The following C4orf33 variants were observed in gnomAD, a reference collection of about 807,000 sequenced individuals.
The protein encoded by C4orf33 is UPF0462 protein C4orf33.
A neutral mutation model predicts 24.3 loss-of-function variants in C4orf33; 20 were observed. The observed-to-expected ratio is 0.82, with a 90% CI of 0.58 to 1.19. The LOEUF (loss-of-function observed/expected upper bound fraction) is 1.19, where lower values mean the gene tolerates loss of function less well. Ranked by LOEUF, C4orf33 falls within the 50% of genes most tolerant of loss-of-function variation. The probability of loss-of-function intolerance (pLI) is 0.00; values close to 1 mark genes in which losing one functional copy is unlikely to be tolerated. For missense variants in C4orf33, 207 were observed against 225.9 expected (o/e 0.92, Z 0.54); for synonymous variants, 67 against 76.4 (o/e 0.88, Z 0.64).
intron 1 of C4orf33, among the ~76,000 whole-genome samples, chr4:129,101,245 T>C (rs754246036): frequency 6.6e-6 from 1 of 152,222 alleles, no homozygotes; most frequent in African/African-American, 2.4e-5. Flanking sequence ...ACACAGAGCT[T>C]GTACATTTGG....
chr4:129,111,582 G>C (rs1753691303), intron 5 of C4orf33, 104 bp from the exon 6 acceptor site: 2 of 630,280 alleles, frequency 3.2e-6, no homozygotes, highest in Non-Finnish European at 5.6e-6. Flanking sequence ...GCTTAAAATA[G>C]AATGTTGTAT....
rs78452186 is a variant in C4orf33 at position 129,103,821 on chromosome 4, T to C, written c.181+1030T>C. ...TGCCTCTAATGCATAGTTCAAGATC[T>C]AATTCATGTCCCATTTCTTCAAAGA... is the stretch of plus-strand genomic sequence containing the variant. On this transcript the variant is annotated intron_variant, in intron 2 of 5. Transcript: ENST00000425929. Among the ~76,000 whole-genome samples, 423 of 152,346 alleles carry C rather than the reference T, an allele frequency of 2.8e-3. 10 individuals are homozygous for C. The East Asian group carries it at 0.068, about 24-fold the overall frequency.
chr4:129,115,819 TATATATATATAAA>T lies in C4orf33; in HGVS notation c.*4037_*4049del, dbSNP rs1753767099. On this transcript the variant is annotated 3_prime_UTR_variant, in exon 6 of 6. Coordinates refer to ENST00000425929, the MANE Select transcript of C4orf33 (RefSeq NM_001099783.2). The stretch of plus-strand genomic sequence containing the variant: ...CTAACTAAATATATATATATATATA[TATATATATATAAA>T]ATATATATGTTTATATATAACATAT... 1.3e-4 allele frequency: 13 copies of T among 96,378 alleles called. 1 individual carries two copies. In the South Asian group the frequency reaches 3.5e-3, roughly 26 times the overall value. 6.0% of individuals were successfully genotyped at this position (96,378 alleles called of 1,614,324 possible).
At chr4:129,102,576 G>C in intron 1 of C4orf33, 26 bp from the exon 2 acceptor site, 1 of 1,490,832 alleles carries the variant, frequency 6.7e-7, no homozygotes, top group Non-Finnish European at 9.2e-7. Context: ...TTGTTAAAGA[G>C]TTTGTTTTAA....
In C4orf33 at chr4:129,102,665, G is replaced by GT. The variant is rs751045432; in HGVS notation, c.56dup (p.Phe20IlefsTer8). The GT allele has an allele frequency of 2.1e-5, 34 of 1,613,912 alleles. No homozygotes were observed. Among genetic ancestry groups the GT allele is most frequent in the Non-Finnish European group, 2.9e-5 (34 of 1,179,956 alleles). On this transcript the variant is annotated frameshift_variant, in exon 2 of 6. Transcript: ENST00000425929. LOFTEE classifies it high-confidence loss of function. ...TGGTTTTCCAGTGAAGCATGAGCCC[G>GT]TATTTATCAGGCTGAATCCAGGTGA...
intron 1 of C4orf33, among the ~76,000 whole-genome samples, chr4:129,101,787 T>C (rs1249453673): frequency 3.3e-5 from 5 of 152,192 alleles, no homozygotes; most frequent in Non-Finnish European, 7.4e-5. Flanking sequence ...CAAAAACTGC[T>C]TTTTTGTAGG....
chr4:129,094,987 A>C (rs190943560), upstream of C4orf33, among the ~76,000 whole-genome samples: 1 of 152,316 alleles, frequency 6.6e-6, no homozygotes, highest in Non-Finnish European at 1.5e-5. Flanking sequence ...AACTGGATGG[A>C]AGCAAATACC....
At position 129,114,908 on chromosome 4, in the gene C4orf33, G is replaced by A. The variant is rs1753749896; in HGVS notation, c.*3117G>A. ...TCATCCTTTGGTGTTTCAATGTCAAGTGGTAATCTTAAATGGGCAACTGTA... is the reference window on the plus strand; with the variant it reads ...TCATCCTTTGGTGTTTCAATGTCAAATGGTAATCTTAAATGGGCAACTGTA... On this transcript the variant is annotated 3_prime_UTR_variant, in exon 6 of 6. Transcript: ENST00000425929. 2 of 152,206 alleles carry A rather than the reference G, an allele frequency of 1.3e-5. No individual in the cohort carries two copies. The highest frequency in any genetic ancestry group is 1.3e-4 in the Admixed American group (2 of 15,284). The allele number at this position is 152,206 out of a possible 1,614,324, so 9.4% of individuals were successfully genotyped here.
upstream of C4orf33, among the ~76,000 whole-genome samples, chr4:129,094,348 G>C (rs1346374492): frequency 1.3e-5 from 2 of 151,964 alleles, no homozygotes; most frequent in Admixed American, 1.3e-4. Flanking sequence ...CTCACCACTA[G>C]CAACAAAAAT....
intron 1 of C4orf33, chr4:129,100,642 A>G (rs1753325139): frequency 6.6e-6 from 1 of 152,202 alleles, no homozygotes; most frequent in South Asian, 2.1e-4. Flanking sequence ...ACTGATTAAG[A>G]TAGGGATCTC....
In C4orf33 at chr4:129,116,038, A is replaced by G. The variant is rs1457642750; in HGVS notation, c.*4247A>G. 1.3e-5 allele frequency: 2 copies of G among 151,596 alleles called. No homozygotes were observed. Among genetic ancestry groups the G allele is most frequent in the East Asian group, 1.9e-4 (1 of 5,156 alleles). The allele number at this position is 151,596 out of a possible 1,614,324, so 9.4% of individuals were successfully genotyped here. A position where few individuals can be genotyped will look rare whatever the true frequency, so the allele number is the denominator to read the frequency against. On this transcript the variant is annotated 3_prime_UTR_variant, in exon 6 of 6. Transcript: ENST00000425929. ...TTTTACCAACTATCATTTTTCATGG[A>G]AGGAATAGTAAAAAGAGTTACCTCT...
Position 129,111,683 on chromosome 4 carries a change from T to A in C4orf33, c.495-3T>A. ...TTCCCACCTTCTTTTTCTTTGCTTT[T>A]AGCCATTGCCTAGAATACTTCAAGT... On this transcript the variant is annotated splice_region_variant and splice_polypyrimidine_tract_variant and intron_variant, in intron 5 of 5. Coordinates refer to ENST00000425929, the MANE Select transcript of C4orf33 (RefSeq NM_001099783.2). The A allele has an allele frequency of 6.3e-7, 1 of 1,577,140 alleles. No individual in the cohort carries two copies. Among genetic ancestry groups the A allele is most frequent in the Non-Finnish European group, 8.7e-7 (1 of 1,150,518 alleles).
chr4:129,106,647 C>A lies in C4orf33; in HGVS notation c.242C>A (p.Pro81His). 1.3e-6 allele frequency: 2 copies of A among 1,484,018 alleles called. No homozygotes were observed. The highest frequency in any genetic ancestry group is 9.2e-7 in the Non-Finnish European group (1 of 1,083,442). The allele number at this position is 1,484,018 out of a possible 1,614,324, so 91.9% of individuals were successfully genotyped here. Residue 81 changes from proline (P) to histidine (H), a missense_variant and splice_region_variant, in exon 3 of 6, where the codon CCC (proline) becomes CAC (histidine). By Grantham distance (77) the Pro-to-His change is moderately conservative (BLOSUM62 -2). Transcript: ENST00000425929. ...CAATATTTAGAAGTTGAACTTTGTC[C>A]GTAAGTATAAAATGTTTTTTCTTAC... ...TEQYLEVELCPHGQHLVLLLS... is the reference protein window; with the variant it reads ...TEQYLEVELCHHGQHLVLLLS...
chr4:129,108,299 A>G (rs1753575954), intron 3 of C4orf33, among the ~76,000 whole-genome samples: 1 of 152,168 alleles, frequency 6.6e-6, no homozygotes. Context: ...GAGTTAGTGA[A>G]TTTGCTTCAT....
intron 1 of C4orf33, among the ~76,000 whole-genome samples, chr4:129,100,284 T>C (rs1753314454): frequency 6.6e-6 from 1 of 152,116 alleles, no homozygotes; most frequent in Non-Finnish European, 1.5e-5. Context: ...CAGGACAGCT[T>C]AGAATGCAGC....
At chr4:129,101,747 A>G (rs2125800216) in intron 1 of C4orf33, among the ~76,000 whole-genome samples, 1 of 152,304 alleles carries the variant, frequency 6.6e-6, no homozygotes, top group African/African-American at 2.4e-5. Context: ...GTGTCCTTCT[A>G]TTGAATACTT....
intron 2 of C4orf33, among the ~76,000 whole-genome samples, chr4:129,105,663 T>C (rs973725600): frequency 6.6e-6 from 1 of 152,180 alleles, no homozygotes; most frequent in Non-Finnish European, 1.5e-5. Flanking sequence ...TATAAAATAC[T>C]ACTATTCAGT....
chr4:129,100,266 A>C (rs1325289214), intron 1 of C4orf33, among the ~76,000 whole-genome samples: 1 of 152,134 alleles, frequency 6.6e-6, no homozygotes, highest in Non-Finnish European at 1.5e-5. Flanking sequence ...CATGGACTAC[A>C]TGTGGCCCAG....
chr4:129,111,861 A>AT lies in C4orf33; in HGVS notation c.*76dup, dbSNP rs548904374. On this transcript the variant is annotated 3_prime_UTR_variant, in exon 6 of 6. Coordinates refer to ENST00000425929, the MANE Select transcript of C4orf33 (RefSeq NM_001099783.2). ...TAAGATAAACAAAAAATAAATATCAATTTTTTAAGATGTCATGCATACATT... is the reference window on the plus strand; with the variant it reads ...TAAGATAAACAAAAAATAAATATCAATTTTTTTAAGATGTCATGCATACATT... 2.4e-4 allele frequency: 188 copies of AT among 793,186 alleles called. 1 individual carries two copies. The highest frequency in any genetic ancestry group is 3.5e-4 in the Non-Finnish European group (174 of 493,254). The allele number at this position is 793,186 out of a possible 1,614,324, so 49.1% of individuals were successfully genotyped here.
Sources: gnomAD v4.1 joint callset for allele counts (sites outside exome capture counted in the v4.1 genomes callset) on GRCh38, gnomAD v4.1.1 for gene constraint, MANE v1.5 for transcripts, NCBI Gene and HGNC (gene_info 2026-07-23, HGNC 2026-07-21) for gene names.